The following DHX30 variants were observed in gnomAD, a reference collection of about 807,000 sequenced individuals.
DHX30 encodes DExH-box helicase 30, also known as ATP-dependent RNA helicase DHX30.
A neutral mutation model predicts 116.9 loss-of-function variants in DHX30; 4 were observed. That is an observed-to-expected ratio of 0.03 (90% confidence interval 0.02 to 0.08). DHX30 has a LOEUF of 0.08. DHX30 is among the 10% of genes least tolerant of loss of function. The probability of loss-of-function intolerance (pLI) is 1.00; values close to 1 mark genes in which losing one functional copy is unlikely to be tolerated. For missense variants in DHX30, 871 were observed against 1,595.1 expected, an observed-to-expected ratio of 0.55 and a Z score of 7.73; for synonymous variants, 697 against 651.7, an observed-to-expected ratio of 1.07 and a Z score of -1.06.
At chr3:47,830,053 A>G (rs2107044244) in intron 6 of DHX30, among the ~76,000 whole-genome samples, 1 of 150,942 alleles carries the variant, frequency 6.6e-6, no homozygotes, top group East Asian at 2.0e-4. Flanking sequence ...GATGGTCTCA[A>G]TCTCCTGACT....
chr3:47,810,988 C>T (rs766965569), intron 3 of DHX30, among the ~76,000 whole-genome samples: 2 of 151,946 alleles, frequency 1.3e-5, no homozygotes, highest in African/African-American at 2.4e-5. Context: ...TCACTTCTGT[C>T]GCCCAGGCTG....
chr3:47,813,338 T>G (rs531308081), intron 3 of DHX30, among the ~76,000 whole-genome samples: 10 of 152,158 alleles, frequency 6.6e-5, no homozygotes, highest in South Asian at 4.2e-4. Context: ...AGACTCCATC[T>G]CAAAAAACAA....
At chr3:47,804,826 TCTC>T (rs2035446549) in intron 1 of DHX30, among the ~76,000 whole-genome samples, 1 of 152,186 alleles carries the variant, frequency 6.6e-6, no homozygotes, top group Admixed American at 6.6e-5. Flanking sequence ...TCAGTTTTCT[TCTC>T]TGGAAAGATA....
intron 4 of DHX30, chr3:47,825,225 A>G (rs568729834): frequency 7.4e-5 from 47 of 630,932 alleles, no homozygotes; most frequent in Non-Finnish European, 1.3e-4. Context: ...GGCCTGGGGA[A>G]GGCGACGGAA....
At chr3:47,826,825 C>T (rs1039229821) in intron 4 of DHX30, among the ~76,000 whole-genome samples, 5 of 152,122 alleles carry the variant, frequency 3.3e-5, no homozygotes, top group Admixed American at 6.6e-5. Flanking sequence ...TGCTTAGATA[C>T]GGTTGAGAGC....
intron 2 of DHX30, among the ~76,000 whole-genome samples, chr3:47,806,473 T>C (rs1038715485): frequency 1.5e-5 from 2 of 137,156 alleles, no homozygotes; most frequent in African/African-American, 5.5e-5. Context: ...TGAGATGGAG[T>C]CTCACTCTGT....
At chr3:47,835,869 GA>G (rs34762872) in intron 6 of DHX30, among the ~76,000 whole-genome samples, 140 of 152,196 alleles carry the variant, frequency 9.2e-4, no homozygotes, top group Non-Finnish European at 1.2e-3. Context: ...GTACTATGTT[GA>G]AAAAAAGTGC....
chr3:47,806,908 T>C (rs997801204), intron 2 of DHX30, among the ~76,000 whole-genome samples: 1 of 151,728 alleles, frequency 6.6e-6, no homozygotes, highest in Non-Finnish European at 1.5e-5. Context: ...CAAAGATTTT[T>C]AAACATTACT....
chr3:47,816,507 G>A (rs984331674), intron 3 of DHX30: 25 of 926,122 alleles, frequency 2.7e-5, no homozygotes, highest in Admixed American at 1.2e-4. Flanking sequence ...ACAGGCACAC[G>A]CCACCATGCC....
At position 47,850,148 on chromosome 3, in the gene DHX30, G is replaced by A; in HGVS notation, c.*28G>A. On this transcript the variant is annotated 3_prime_UTR_variant, in exon 22 of 22. Transcript: ENST00000445061. ...CCTGCTTCTGCTGGGGCTGTGTACA[G>A]AGTGCAAATGTTTATTTAAAATAAA... The A allele has an allele frequency of 6.5e-7, 1 of 1,546,318 alleles. No homozygotes were observed. Among genetic ancestry groups the A allele is most frequent in the Non-Finnish European group, 8.7e-7 (1 of 1,147,014 alleles).
At chr3:47,829,314 A>ATATATATATTTT (rs1177077114) in intron 6 of DHX30, among the ~76,000 whole-genome samples, 180 bp downstream of exon 6, 2 of 34,186 alleles carry the variant, frequency 5.9e-5, no homozygotes, top group African/African-American at 1.1e-4. Flanking sequence ...ATATATATAT[A>ATATATATATTTT]TTTTTTTTTT....
chr3:47,811,454 C>T (rs988932068), intron 3 of DHX30, among the ~76,000 whole-genome samples: 3 of 152,228 alleles, frequency 2.0e-5, no homozygotes, highest in African/African-American at 4.8e-5. Flanking sequence ...TGTGCTTTTA[C>T]GATGCATAGC....
At chr3:47,829,658 A>G (rs893974416) in intron 6 of DHX30, among the ~76,000 whole-genome samples, 2 of 151,314 alleles carry the variant, frequency 1.3e-5, no homozygotes, top group South Asian at 4.2e-4. Flanking sequence ...GGTTTTAAAA[A>G]CCGCCCAGCC....
chr3:47,829,255 TC>T, intron 6 of DHX30, 121 bp downstream of exon 6: 1 of 378,052 alleles, frequency 2.6e-6, no homozygotes, highest in Non-Finnish European at 4.9e-6. Flanking sequence ...CCTTCCCACT[TC>T]CTGATTCCTT....
rs368737078 is a variant in DHX30, at chr3:47,847,265, C to T, written c.1930-8C>T. 5 of 1,614,146 alleles carry T rather than the reference C, an allele frequency of 3.1e-6. No homozygotes were observed. The highest frequency in any genetic ancestry group is 2.7e-5 in the African/African-American group (2 of 74,946). ...GCTGTGACTGTGGCCTCTCTTCCCC[C>T]ACCCCAGTCTGAGGATGAATGCGCA... On this transcript the variant is annotated splice_polypyrimidine_tract_variant and splice_region_variant and intron_variant, in intron 11 of 21. Transcript: ENST00000445061. The surrounding 1 kb of genome is among the most constrained non-coding windows in gnomAD (Gnocchi z 5.5).
At position 47,847,231 on chromosome 3, in the gene DHX30, T is replaced by C; in HGVS notation, c.1930-42T>C. On this transcript the variant is annotated intron_variant, in intron 11 of 21. Coordinates refer to ENST00000445061, the MANE Select transcript of DHX30 (RefSeq NM_138615.3). The surrounding 1 kb of genome is among the most constrained non-coding windows in gnomAD (Gnocchi z 5.5). ...TGGCTGTGTCCTTGGCATGACCCCT[T>C]ACCCCGGGGCTGTGACTGTGGCCTC... 1 of 1,613,240 alleles carries C rather than the reference T, an allele frequency of 6.2e-7. No individual in the cohort carries two copies. Among genetic ancestry groups the C allele is most frequent in the Non-Finnish European group, 8.5e-7 (1 of 1,179,204 alleles).
At chr3:47,822,937 C>T (rs2036363742) in intron 4 of DHX30, among the ~76,000 whole-genome samples, 1 of 151,346 alleles carries the variant, frequency 6.6e-6, no homozygotes, top group African/African-American at 2.4e-5. Context: ...ACTAAAAATA[C>T]AAAAAATTAG....
At chr3:47,820,135 A>C (rs536877666) in intron 4 of DHX30, among the ~76,000 whole-genome samples, 1 of 152,208 alleles carries the variant, frequency 6.6e-6, no homozygotes, top group African/African-American at 2.4e-5. Flanking sequence ...CAACATGGTG[A>C]AACCCCATCT....
At chr3:47,844,772 G>A (rs1194998631) in intron 9 of DHX30, among the ~76,000 whole-genome samples, 1 of 152,216 alleles carries the variant, frequency 6.6e-6, no homozygotes, top group East Asian at 1.9e-4. Context: ...TTTATCTCTG[G>A]TGAGGTGGCT....
Sources: gnomAD v4.1 joint callset for allele counts (sites outside exome capture counted in the v4.1 genomes callset) on GRCh38, gnomAD v4.1.1 for gene constraint, Gnocchi (gnomAD v3.1) non-coding constraint, MANE v1.5 for transcripts, NCBI Gene and HGNC (gene_info 2026-07-23, HGNC 2026-07-21) for gene names.